Variants in OR2A1 observed in about 807,000 individuals in gnomAD.
The protein encoded by OR2A1 is olfactory receptor family 2 subfamily A member 1.
For synonymous variants in OR2A1, 2 were observed against 94.7 expected (o/e 0.02, Z 5.68); for missense variants, 1 against 212.3 (o/e 0.00, Z 6.19).
intron 1 of OR2A1, among the ~76,000 whole-genome samples, chr7:144,313,520 C>T (rs2053045279): frequency 7.9e-6 from 1 of 126,628 alleles, no homozygotes; most frequent in African/African-American, 2.9e-5. Flanking sequence ...CCACCCACCC[C>T]CACCCCATAG....
Position 144,321,457 on chromosome 7 carries a change from T to C in OR2A1, c.*2400T>C, listed in dbSNP as rs1427251692. ...GTGTGCAGAAACCATGCTCAGGCGG[T>C]TGCCTGTGTGGACCCTAAATTCTGT... On this transcript the variant is annotated 3_prime_UTR_variant, in exon 2 of 2. Transcript: ENST00000641044. 1 of 150,250 alleles carries C rather than the reference T, an allele frequency of 6.7e-6. No individual in the cohort carries two copies. Among genetic ancestry groups the C allele is most frequent in the Admixed American group, 6.6e-5 (1 of 15,164 alleles). 9.3% of individuals were successfully genotyped at this position (150,250 alleles called of 1,614,324 possible). A position where few individuals can be genotyped will look rare whatever the true frequency, so the allele number is the denominator to read the frequency against.
In OR2A1 at chr7:144,319,309, A is replaced by G. The variant is rs1449183989; in HGVS notation, c.*252A>G. On this transcript the variant is annotated 3_prime_UTR_variant, in exon 2 of 2. Coordinates refer to ENST00000641044, the MANE Select transcript of OR2A1 (RefSeq NM_001005287.2). ...TTTTGTACACTGCTATGAGTCCAGA[A>G]GTTTAAAACAGACACTCCACCTGTG... is the stretch of plus-strand genomic sequence containing the variant. 1 of 553,026 alleles carries G rather than the reference A, an allele frequency of 1.8e-6. No individual in the cohort carries two copies. Among genetic ancestry groups the G allele is most frequent in the African/African-American group, 1.9e-5 (1 of 52,640 alleles). The allele number at this position is 553,026 out of a possible 1,614,324, so 34.3% of individuals were successfully genotyped here. A position where few individuals can be genotyped will look rare whatever the true frequency, so the allele number is the denominator to read the frequency against.
upstream of OR2A1, among the ~76,000 whole-genome samples, chr7:144,312,199 T>C (rs1359580690): frequency 4.3e-5 from 4 of 93,694 alleles, 1 homozygote; most frequent in African/African-American, 1.7e-4. Context: ...AGAACAGAAA[T>C]AGAAAAAACC....
In OR2A1 at chr7:144,320,303, G is replaced by C. The variant is rs1483769725; in HGVS notation, c.*1246G>C. ...ACAGAACACAGACAGGGTGGGAGTA[G>C]AGGCTGTTCTCAATGAGATTAGAGA... On this transcript the variant is annotated 3_prime_UTR_variant, in exon 2 of 2. Transcript: ENST00000641044. 2 of 107,392 alleles carry C rather than the reference G, an allele frequency of 1.9e-5. No individual in the cohort carries two copies. The highest frequency in any genetic ancestry group is 5.9e-4 in the East Asian group (2 of 3,418). 6.7% of individuals were successfully genotyped at this position (107,392 alleles called of 1,614,324 possible). A position where few individuals can be genotyped will look rare whatever the true frequency, so the allele number is the denominator to read the frequency against.
chr7:144,317,983 T>TA, intron 1 of OR2A1, 138 bp from the exon 2 acceptor site: 3 of 347,640 alleles, frequency 8.6e-6, no homozygotes, highest in South Asian at 4.7e-5. Flanking sequence ...ACTGGATACT[T>TA]ACAATCAGTA....
chr7:144,320,124 G>T lies in OR2A1; in HGVS notation c.*1067G>T, dbSNP rs1231483462. 1 of 38,966 alleles carries T rather than the reference G, an allele frequency of 2.6e-5. No individual in the cohort carries two copies. The highest frequency in any genetic ancestry group is 9.0e-4 in the South Asian group (1 of 1,106). The allele number at this position is 38,966 out of a possible 1,614,324, so 2.4% of individuals were successfully genotyped here. A position where few individuals can be genotyped will look rare whatever the true frequency, so the allele number is the denominator to read the frequency against. ...AAGAATAAGTCTAACCAATCCTAAC[G>T]TAGGATATGTTAAGTGAATGTGGGT... On this transcript the variant is annotated 3_prime_UTR_variant, in exon 2 of 2. Transcript: ENST00000641044.
intron 1 of OR2A1, among the ~76,000 whole-genome samples, chr7:144,313,556 GA>G (rs1378988361): frequency 6.8e-5 from 3 of 44,230 alleles, no homozygotes; most frequent in Non-Finnish European, 1.1e-4. Context: ...GTGATACAAA[GA>G]AAATCTCATT....
Position 144,318,782 on chromosome 7 carries a change from A to AT in OR2A1, c.659dup (p.Leu221ProfsTer47). 1 of 501,386 alleles carries AT rather than the reference A, an allele frequency of 2.0e-6. No individual in the cohort carries two copies. The highest frequency in any genetic ancestry group is 3.0e-5 in the East Asian group (1 of 33,844). 31.1% of individuals were successfully genotyped at this position (501,386 alleles called of 1,614,324 possible). A position where few individuals can be genotyped will look rare whatever the true frequency, so the allele number is the denominator to read the frequency against. ...CCTGGTGCTTGTCTCCTACTCGCAC[A>AT]TCCTGGCGGCCATCCTGAGGATCCA... On this transcript the variant is annotated frameshift_variant, in exon 2 of 2. Transcript: ENST00000641044. LOFTEE classifies it high-confidence loss of function.
At chr7:144,312,254 G>A (rs2053031243), upstream of OR2A1, among the ~76,000 whole-genome samples, 1 of 84,878 alleles carries the variant, frequency 1.2e-5, no homozygotes, top group South Asian at 3.6e-4. Context: ...CATGCAGGAG[G>A]TTTCATGGCC....
chr7:144,320,401 C>G lies in OR2A1; in HGVS notation c.*1344C>G, dbSNP rs556442283. The G allele has an allele frequency of 1.6e-5, 2 of 122,016 alleles. No homozygotes were observed. Among genetic ancestry groups the G allele is most frequent in the African/African-American group, 4.1e-5 (1 of 24,304 alleles). 7.6% of individuals were successfully genotyped at this position (122,016 alleles called of 1,614,324 possible). A position where few individuals can be genotyped will look rare whatever the true frequency, so the allele number is the denominator to read the frequency against. On this transcript the variant is annotated 3_prime_UTR_variant, in exon 2 of 2. Transcript: ENST00000641044. Reference sequence around the variant, plus strand: ...AGACATCTCTAGTTCACATACAACACTCACATGCTCACGTACATGCGTGTG... The same window carrying G: ...AGACATCTCTAGTTCACATACAACAGTCACATGCTCACGTACATGCGTGTG...
At position 144,320,016 on chromosome 7, in the gene OR2A1, G is replaced by C. The variant is rs2053141362; in HGVS notation, c.*959G>C. On this transcript the variant is annotated 3_prime_UTR_variant, in exon 2 of 2. Transcript: ENST00000641044. Reference sequence around the variant, plus strand: ...AACTTCAAGCAGATGGTAAATGTTAGACTCATACCCAAACAATCTGGCTCC... The same window carrying C: ...AACTTCAAGCAGATGGTAAATGTTACACTCATACCCAAACAATCTGGCTCC... The C allele has an allele frequency of 3.3e-4, 1 of 3,052 alleles. No individual in the cohort carries two copies. The highest frequency in any genetic ancestry group is 6.3e-4 in the Non-Finnish European group (1 of 1,580). 0.2% of individuals were successfully genotyped at this position (3,052 alleles called of 1,614,324 possible).
intron 1 of OR2A1, among the ~76,000 whole-genome samples, chr7:144,316,129 T>C (rs139494653): frequency 6.7e-6 from 1 of 148,216 alleles, no homozygotes; most frequent in Non-Finnish European, 1.5e-5. Context: ...AGTATTTTTT[T>C]AATAGAATCC....
rs774489125 is a variant in OR2A1, at chr7:144,322,525, A to AG, written c.*3475dup. 1.3e-5 allele frequency: 2 copies of AG among 149,142 alleles called. No individual in the cohort carries two copies. The highest frequency in any genetic ancestry group is 3.0e-5 in the Non-Finnish European group (2 of 67,290). 9.2% of individuals were successfully genotyped at this position (149,142 alleles called of 1,614,324 possible). On this transcript the variant is annotated 3_prime_UTR_variant, in exon 2 of 2. Transcript: ENST00000641044. ...GGTACTAATACTATCCTAACATTAA[A>AG]GGGGGGGAAATAAAGTTTAGTGTAA...
At position 144,320,529 on chromosome 7, in the gene OR2A1, T is replaced by C. The variant is rs1433059859; in HGVS notation, c.*1472T>C. 1 of 110,958 alleles carries C rather than the reference T, an allele frequency of 9.0e-6. No individual in the cohort carries two copies. Among genetic ancestry groups the C allele is most frequent in the African/African-American group, 4.4e-5 (1 of 22,534 alleles). The allele number at this position is 110,958 out of a possible 1,614,324, so 6.9% of individuals were successfully genotyped here. On this transcript the variant is annotated 3_prime_UTR_variant, in exon 2 of 2. Transcript: ENST00000641044. ...TCTTTAAGTCCTCATAAAAACCCTA[T>C]GAGGTAGAGACTATTACTACTATTT... is the stretch of plus-strand genomic sequence containing the variant.
chr7:144,314,394 TCAC>T (rs1457847585), intron 1 of OR2A1, among the ~76,000 whole-genome samples: 2 of 82,274 alleles, frequency 2.4e-5, no homozygotes, highest in Non-Finnish European at 6.7e-5. Flanking sequence ...CTATCATAGC[TCAC>T]CACAACCTCA....
rs2053161696 is a variant in OR2A1 at position 144,321,492 on chromosome 7, CCT to C, written c.*2440_*2441del. 1 of 151,572 alleles carries C rather than the reference CCT, an allele frequency of 6.6e-6. No individual in the cohort carries two copies. The highest frequency in any genetic ancestry group is 2.1e-4 in the South Asian group (1 of 4,822). 9.4% of individuals were successfully genotyped at this position (151,572 alleles called of 1,614,324 possible). On this transcript the variant is annotated 3_prime_UTR_variant, in exon 2 of 2. Transcript: ENST00000641044. ...GGACCCTAAATTCTGTGTGTGCAGT[CCT>C]CTCTTAGGATTGGCCCAGGCATCCA... is the stretch of plus-strand genomic sequence containing the variant.
intron 1 of OR2A1, among the ~76,000 whole-genome samples, chr7:144,313,170 C>T (rs2128835575): frequency 9.9e-6 from 1 of 100,532 alleles, no homozygotes; most frequent in Non-Finnish European, 2.0e-5. Flanking sequence ...TTGTTTCTTT[C>T]AGTGTTTACT....
In OR2A1 at chr7:144,318,953, TAC is replaced by T. The variant is rs1396126078; in HGVS notation, c.831_832del (p.Tyr277Ter). The T allele has an allele frequency of 2.0e-5, 10 of 512,802 alleles. No individual in the cohort carries two copies. In the East Asian group the frequency reaches 3.0e-4, roughly 15 times the overall value. 31.8% of individuals were successfully genotyped at this position (512,802 alleles called of 1,614,324 possible). On this transcript the variant is annotated frameshift_variant, in exon 2 of 2. Transcript: ENST00000641044. LOFTEE classifies it low-confidence loss of function (END_TRUNC). Reference sequence around the variant, plus strand: ...GCAGCAAAAGGTCTTTTTTCTATTTTACAGTTTTTTCAACCCAACACTTAACC... The same window carrying T: ...GCAGCAAAAGGTCTTTTTTCTATTTTAGTTTTTTCAACCCAACACTTAACC... ...EEQQKVFFLF[Y>X]SFFNPTLNPL...
rs1234116985 is a variant in OR2A1 at position 144,321,563 on chromosome 7, T to C, written c.*2506T>C. ...CTACCCCTTAAATACACAAGGTGCG[T>C]ACCGGAGGCCCTGGTTCTAGTTCCA... On this transcript the variant is annotated 3_prime_UTR_variant, in exon 2 of 2. Transcript: ENST00000641044. 2.0e-5 allele frequency: 3 copies of C among 151,160 alleles called. No homozygotes were observed. Among genetic ancestry groups the C allele is most frequent in the Admixed American group, 1.3e-4 (2 of 15,226 alleles). 9.4% of individuals were successfully genotyped at this position (151,160 alleles called of 1,614,324 possible).
Sources: allele counts gnomAD v4.1 joint callset (sites outside exome capture counted in the v4.1 genomes callset), GRCh38; gene constraint gnomAD v4.1.1; transcripts MANE v1.5; gene names NCBI Gene and HGNC (gene_info 2026-07-23, HGNC 2026-07-21).